NEBL: variants seen among roughly 807,000 people sequenced by gnomAD.
NEBL encodes the protein nebulette, also known as LIM and SH3 protein 2.
Under a neutral mutation model 140.2 loss-of-function variants are expected in NEBL, and 122 were observed. That is an observed-to-expected ratio of 0.87 (90% CI 0.75 to 1.01). NEBL has a LOEUF of 1.01. Among genes scored for constraint, NEBL ranks in the 50% least tolerant of loss-of-function variants. The probability of loss-of-function intolerance (pLI) is 0.00; values close to 1 mark genes in which losing one functional copy is unlikely to be tolerated. For synonymous variants in NEBL, 436 were observed against 398.9 expected (o/e 1.09, Z -1.11); for missense variants, 1,365 against 1,231.3 (o/e 1.11, Z -1.62).
chr10:21,112,693 T>A lies in NEBL; in HGVS notation c.164+59690A>T, dbSNP rs1419917435. 3 of 151,424 alleles carry A rather than the reference T, an allele frequency of 2.0e-5. No homozygotes were observed. The East Asian group carries it at 5.8e-4, about 29-fold the overall frequency. The allele number at this position is 151,424 out of a possible 1,614,324, so 9.4% of individuals were successfully genotyped here. On this transcript the variant is annotated intron_variant, in intron 2 of 6. Coordinates refer to the NEBL transcript ENST00000417816. ...CAAACATGGCACATGTATACCTATA[T>A]AACAAACCTGTGCATTGTGCACATG...
intron 20 of NEBL, among the ~76,000 whole-genome samples, chr10:20,817,961 T>C (rs1462731432): frequency 1.3e-5 from 2 of 152,150 alleles, no homozygotes; most frequent in African/African-American, 2.4e-5. Flanking sequence ...ATAAAAGTAA[T>C]GGAATCATAA....
intron 1 of NEBL, among the ~76,000 whole-genome samples, chr10:21,290,559 G>A (rs1588607569): frequency 6.6e-6 from 1 of 152,270 alleles, no homozygotes; most frequent in East Asian, 1.9e-4. Flanking sequence ...CCAGAGGAGA[G>A]AAAGACTAAA....
intron 7 of NEBL, among the ~76,000 whole-genome samples, chr10:20,860,523 A>C (rs192399917): frequency 1.5e-5 from 2 of 135,518 alleles, no homozygotes; most frequent in Admixed American, 8.6e-5. Context: ...ATGAGAATGC[A>C]TGTCATAACT....
chr10:21,132,939 C>A (rs1016498677), intron 2 of NEBL, among the ~76,000 whole-genome samples: 1 of 152,156 alleles, frequency 6.6e-6, no homozygotes, highest in Non-Finnish European at 1.5e-5. Flanking sequence ...AGTCTTTACA[C>A]TTTCTTGAGA....
intron 4 of NEBL, among the ~76,000 whole-genome samples, chr10:20,910,902 T>C (rs1357481254): frequency 1.3e-5 from 2 of 151,776 alleles, no homozygotes; most frequent in Non-Finnish European, 2.9e-5. Context: ...GCATGGTGGT[T>C]CATGCCTGTA....
At chr10:21,251,713 C>T (rs1842591197) in intron 2 of NEBL, among the ~76,000 whole-genome samples, 1 of 152,028 alleles carries the variant, frequency 6.6e-6, no homozygotes, top group Non-Finnish European at 1.5e-5. Context: ...ATAAAAAAGG[C>T]CCCAGAGAAA....
intron 1 of NEBL, among the ~76,000 whole-genome samples, chr10:21,265,980 T>A (rs1480429964): frequency 6.6e-6 from 1 of 152,186 alleles, no homozygotes; most frequent in African/African-American, 2.4e-5. Context: ...ATCAACAGAC[T>A]CTAATCCGTC....
rs1032702318 is a variant in NEBL, at chr10:20,784,129, T to A, written c.*1618A>T. The A allele has an allele frequency of 6.6e-6, 1 of 152,240 alleles. No individual in the cohort carries two copies. Among genetic ancestry groups the A allele is most frequent in the African/African-American group, 2.4e-5 (1 of 41,478 alleles). 9.4% of individuals were successfully genotyped at this position (152,240 alleles called of 1,614,324 possible). A position where few individuals can be genotyped will look rare whatever the true frequency, so the allele number is the denominator to read the frequency against. On this transcript the variant is annotated 3_prime_UTR_variant, in exon 28 of 28. Transcript: ENST00000377122. ...TTTGTTAATTTCCTTGAATATAACA[T>A]ATAAGGCAGATATCCCCAAGACCCG...
intron 1 of NEBL, among the ~76,000 whole-genome samples, chr10:21,270,658 G>A (rs11012627): frequency 0.45 from 68,153 of 151,984 alleles, 16,020 homozygotes; most frequent in African/African-American, 0.55. Context: ...GTGAGCCACC[G>A]CGCCCAGCCC....
At chr10:20,996,725 A>G (rs1024808558) in intron 3 of NEBL, among the ~76,000 whole-genome samples, 1 of 152,198 alleles carries the variant, frequency 6.6e-6, no homozygotes, top group Non-Finnish European at 1.5e-5. Context: ...TAAAAGTATC[A>G]TATGGACTGC....
intron 4 of NEBL, among the ~76,000 whole-genome samples, chr10:20,929,878 T>C (rs146708815): frequency 0.011 from 1,696 of 152,254 alleles, 24 homozygotes; most frequent in African/African-American, 0.031. Flanking sequence ...GTGCAATATA[T>C]GTATTTAACA....
intron 4 of NEBL, among the ~76,000 whole-genome samples, chr10:20,903,223 T>G (rs899354376): frequency 1.2e-4 from 19 of 152,190 alleles, no homozygotes; most frequent in African/African-American, 3.4e-4. Flanking sequence ...GAAAAGACAT[T>G]TCTCAAAAGA....
At chr10:21,099,538 T>A (rs1564511005) in intron 2 of NEBL, among the ~76,000 whole-genome samples, 2 of 152,234 alleles carry the variant, frequency 1.3e-5, no homozygotes, top group African/African-American at 4.8e-5. Context: ...TCTGCTTTTA[T>A]TTATTTCATC....
At chr10:20,986,417 A>C (rs142088931) in intron 3 of NEBL, among the ~76,000 whole-genome samples, 7 of 152,304 alleles carry the variant, frequency 4.6e-5, no homozygotes, top group African/African-American at 1.7e-4. Flanking sequence ...CAAAATTCCC[A>C]AAGTACTTTT....
intron 2 of NEBL, among the ~76,000 whole-genome samples, chr10:21,072,460 G>C (rs1835860260): frequency 6.6e-6 from 1 of 152,216 alleles, no homozygotes; most frequent in Non-Finnish European, 1.5e-5. Flanking sequence ...CATGAGAGGT[G>C]CCACTTTTAT....
At chr10:21,109,257 CAT>C (rs930846450) in intron 2 of NEBL, among the ~76,000 whole-genome samples, 31 of 152,250 alleles carry the variant, frequency 2.0e-4, no homozygotes, top group African/African-American at 7.5e-4. Flanking sequence ...CTGAGAGAAT[CAT>C]GTGGTTTTTG....
chr10:20,866,337 G>A (rs1191883592), intron 7 of NEBL, among the ~76,000 whole-genome samples: 1 of 151,932 alleles, frequency 6.6e-6, no homozygotes, highest in Non-Finnish European at 1.5e-5. Flanking sequence ...TAATGCCACT[G>A]AACCGCACAC....
chr10:20,788,176 A>G (rs1394234562), intron 26 of NEBL, among the ~76,000 whole-genome samples: 1 of 152,180 alleles, frequency 6.6e-6, no homozygotes, highest in African/African-American at 2.4e-5. Flanking sequence ...TTCTCTGTGA[A>G]TGTGTTTAAG....
At chr10:20,818,088 C>A (rs2130819087) in intron 20 of NEBL, among the ~76,000 whole-genome samples, 1 of 152,240 alleles carries the variant, frequency 6.6e-6, no homozygotes, top group South Asian at 2.1e-4. Context: ...GGGCTTCTCC[C>A]TTCAATAGAA....
Sources: allele counts gnomAD v4.1 joint callset (sites outside exome capture counted in the v4.1 genomes callset), GRCh38; gene constraint gnomAD v4.1.1; transcripts MANE v1.5; gene names NCBI Gene and HGNC (gene_info 2026-07-23, HGNC 2026-07-21).